Variants in CDKAL1 observed in about 807,000 individuals in gnomAD.
The protein encoded by CDKAL1 is CDKAL1 threonylcarbamoyladenosine tRNA methylthiotransferase.
In CDKAL1, 32 loss-of-function variants were observed where a neutral mutation model predicts 68.2. The ratio of observed to expected loss-of-function variants is 0.47; its 90% CI spans 0.35 to 0.63. The LOEUF is 0.63. CDKAL1 is among the 30% of genes least tolerant of loss of function. The pLI is 0.00. For missense variants in CDKAL1, 606 were observed against 696.7 expected (o/e 0.87, Z 1.47); for synonymous variants, 234 against 244.3 (o/e 0.96, Z 0.39).
intron 13 of CDKAL1, among the ~76,000 whole-genome samples, chr6:21,130,288 G>C (rs545346757): frequency 6.8e-6 from 1 of 146,804 alleles, no homozygotes; most frequent in South Asian, 2.1e-4. Flanking sequence ...GCAATGGTGC[G>C]ATCTCAGCTC....
At chr6:20,896,968 A>G (rs192308389) in intron 9 of CDKAL1, among the ~76,000 whole-genome samples, 31 of 152,312 alleles carry the variant, frequency 2.0e-4, no homozygotes, top group African/African-American at 7.2e-4. Context: ...GTCTACTTGG[A>G]CTGCTATTAC....
At chr6:20,872,029 C>G (rs1001059922) in intron 9 of CDKAL1, among the ~76,000 whole-genome samples, 5 of 152,022 alleles carry the variant, frequency 3.3e-5, no homozygotes, top group African/African-American at 1.2e-4. Context: ...CAACATAGAG[C>G]AACAGAAAAG....
At chr6:21,200,545 C>G (rs1320984942) in intron 14 of CDKAL1, among the ~76,000 whole-genome samples, 2 of 152,210 alleles carry the variant, frequency 1.3e-5, no homozygotes, top group Non-Finnish European at 2.9e-5. Flanking sequence ...AACCATTACT[C>G]TGACAGCTCA....
intron 5 of CDKAL1, among the ~76,000 whole-genome samples, chr6:20,682,695 C>T (rs1345827435): frequency 1.3e-5 from 2 of 152,184 alleles, no homozygotes; most frequent in Admixed American, 6.5e-5. Flanking sequence ...AGAGTCAAAT[C>T]ATATCACAAC....
intron 9 of CDKAL1, among the ~76,000 whole-genome samples, chr6:20,940,926 T>TA (rs1763941340): frequency 6.6e-6 from 1 of 151,848 alleles, no homozygotes; most frequent in Non-Finnish European, 1.5e-5. Context: ...GCGTCTCTAC[T>TA]AAAAATACAA....
At chr6:20,992,947 G>T (rs1326438246) in intron 10 of CDKAL1, among the ~76,000 whole-genome samples, 2 of 151,826 alleles carry the variant, frequency 1.3e-5, no homozygotes, top group Non-Finnish European at 2.9e-5. Flanking sequence ...TTACAATATG[G>T]TTAACCCTTG....
intron 4 of CDKAL1, among the ~76,000 whole-genome samples, chr6:20,644,014 A>T (rs543097333): frequency 6.6e-6 from 1 of 152,206 alleles, no homozygotes; most frequent in Admixed American, 6.5e-5. Flanking sequence ...TACAAAATAC[A>T]AAGAGACAGG....
intron 4 of CDKAL1, among the ~76,000 whole-genome samples, chr6:20,568,393 T>G (rs550142596): frequency 6.6e-6 from 1 of 152,226 alleles, no homozygotes; most frequent in East Asian, 1.9e-4. Context: ...ACAGGTCATC[T>G]TCTTTCACAT....
At chr6:21,193,866 CTCTG>C (rs1480172461) in intron 13 of CDKAL1, among the ~76,000 whole-genome samples, 9 of 152,154 alleles carry the variant, frequency 5.9e-5, no homozygotes, top group African/African-American at 7.2e-5. Flanking sequence ...TTACATTGTG[CTCTG>C]TCTTAGTTCA....
intron 4 of CDKAL1, among the ~76,000 whole-genome samples, chr6:20,642,342 C>G (rs1305912357): frequency 4.6e-5 from 7 of 151,966 alleles, no homozygotes; most frequent in Admixed American, 1.3e-4. Context: ...GTTGTGACTT[C>G]TATCATAGAT....
At chr6:20,957,109 T>TAC (rs1473888918) in intron 10 of CDKAL1, among the ~76,000 whole-genome samples, 7 of 151,294 alleles carry the variant, frequency 4.6e-5, no homozygotes. Flanking sequence ...CCAGGAGATA[T>TAC]ACTAGACGTG....
chr6:21,149,492 G>C (rs765985597), intron 13 of CDKAL1, among the ~76,000 whole-genome samples: 5 of 152,146 alleles, frequency 3.3e-5, no homozygotes, highest in Non-Finnish European at 5.9e-5. Context: ...AAGTACTTCA[G>C]TGATAGACAA....
chr6:20,800,201 A>G (rs1191977414), intron 8 of CDKAL1, among the ~76,000 whole-genome samples: 1 of 152,072 alleles, frequency 6.6e-6, no homozygotes, highest in Non-Finnish European at 1.5e-5. Context: ...TTTATTTGCA[A>G]TAGCCAAAAA....
chr6:21,032,766 C>T (rs112395711), intron 11 of CDKAL1, among the ~76,000 whole-genome samples: 3 of 152,112 alleles, frequency 2.0e-5, no homozygotes, highest in East Asian at 1.9e-4. Flanking sequence ...ATAGCCTAGG[C>T]GTGTGGTAGG....
chr6:20,844,896 A>G (rs1454549076), intron 8 of CDKAL1, among the ~76,000 whole-genome samples: 1 of 152,214 alleles, frequency 6.6e-6, no homozygotes. Flanking sequence ...TATTTGTAAG[A>G]GAAGCCACAA....
At position 20,708,576 on chromosome 6, in the gene CDKAL1, G is replaced by GT. The variant is rs1183828748; in HGVS notation, c.372-30937dup. 2.0e-5 allele frequency among the ~76,000 whole-genome samples: 3 copies of GT among 152,144 alleles called. No homozygotes were observed. The East Asian group carries it at 5.8e-4, about 29-fold the overall frequency. On this transcript the variant is annotated intron_variant, in intron 5 of 15. Coordinates refer to ENST00000274695, the MANE Select transcript of CDKAL1 (RefSeq NM_017774.3). ...GGTCTTTTCTTTTGGTTTGAAGTAG[G>GT]TTTTTTAAAAAAGGTGTTAGACAGT...
intron 9 of CDKAL1, among the ~76,000 whole-genome samples, chr6:20,866,505 C>CT (rs35244703): frequency 2.6e-5 from 4 of 152,170 alleles, no homozygotes; most frequent in Non-Finnish European, 5.9e-5. Context: ...AGCCATCTTG[C>CT]TTTGTGGTTT....
chr6:20,771,145 A>T (rs1217589852), intron 7 of CDKAL1, among the ~76,000 whole-genome samples: 3 of 152,222 alleles, frequency 2.0e-5, no homozygotes, highest in African/African-American at 7.2e-5. Flanking sequence ...TTCTAAGCTC[A>T]TCTATGGTAT....
At chr6:20,914,200 G>A (rs1234332076) in intron 9 of CDKAL1, among the ~76,000 whole-genome samples, 1 of 152,162 alleles carries the variant, frequency 6.6e-6, no homozygotes, top group African/African-American at 2.4e-5. Context: ...TGAGGCAGGA[G>A]TGTGGCATGA....
Sources: allele counts gnomAD v4.1 joint callset (sites outside exome capture counted in the v4.1 genomes callset), GRCh38; gene constraint gnomAD v4.1.1; transcripts MANE v1.5; gene names NCBI Gene and HGNC (gene_info 2026-07-23, HGNC 2026-07-21).